EPHB1: variants seen among roughly 807,000 people sequenced by gnomAD.
The protein encoded by EPHB1 is ephrin type-B receptor 1.
A neutral mutation model predicts 94.4 loss-of-function variants in EPHB1; 30 were observed. The ratio of observed to expected loss-of-function variants is 0.32; its 90% CI spans 0.24 to 0.43. The LOEUF is 0.43. EPHB1 is among the 20% of genes least tolerant of loss of function. The pLI, the probability that EPHB1 is intolerant of heterozygous loss-of-function variation, is 1.00. For synonymous variants in EPHB1, 522 were observed against 489.1 expected (o/e 1.07, Z -0.89); for missense variants, 1,055 against 1,308.3 (o/e 0.81, Z 2.99).
At chr3:134,798,187 G>A (rs1269984147) in intron 1 of EPHB1, among the ~76,000 whole-genome samples, 1 of 152,186 alleles carries the variant, frequency 6.6e-6, no homozygotes. Flanking sequence ...TTTCAGTGAG[G>A]CATTGCCATC....
chr3:135,102,728 C>T (rs577317020), intron 3 of EPHB1, among the ~76,000 whole-genome samples: 1 of 152,286 alleles, frequency 6.6e-6, no homozygotes, highest in African/African-American at 2.4e-5. Flanking sequence ...GGAACCAACC[C>T]AAATGCCCAT....
chr3:135,062,868 T>C (rs992750502), intron 3 of EPHB1, among the ~76,000 whole-genome samples: 1 of 152,196 alleles, frequency 6.6e-6, no homozygotes, highest in Non-Finnish European at 1.5e-5. Context: ...TTGTGTAAAG[T>C]GACAGATGAG....
At chr3:135,255,014 G>A (rs532456249) in intron 15 of EPHB1, among the ~76,000 whole-genome samples, 4 of 152,138 alleles carry the variant, frequency 2.6e-5, no homozygotes, top group Admixed American at 6.5e-5. Flanking sequence ...AGAGGTGTTT[G>A]TAGTATTCTC....
intron 3 of EPHB1, among the ~76,000 whole-genome samples, chr3:134,992,048 T>C (rs2107738354): frequency 6.6e-6 from 1 of 152,302 alleles, no homozygotes; most frequent in East Asian, 1.9e-4. Flanking sequence ...CACTTTTTTT[T>C]AGCTGCATTT....
intron 15 of EPHB1, among the ~76,000 whole-genome samples, chr3:135,257,647 T>C (rs527731007): frequency 6.7e-4 from 101 of 151,182 alleles, no homozygotes; most frequent in African/African-American, 2.1e-3. Context: ...CATTTAAGTC[T>C]GCAGAGGTTA....
intron 3 of EPHB1, among the ~76,000 whole-genome samples, chr3:135,005,237 C>A (rs1303643587): frequency 6.6e-6 from 1 of 152,178 alleles, no homozygotes; most frequent in Non-Finnish European, 1.5e-5. Context: ...GTCAGTGTGC[C>A]CCTGCTGGGG....
intron 1 of EPHB1, among the ~76,000 whole-genome samples, chr3:134,801,156 C>A (rs1298818183): frequency 3.9e-5 from 6 of 152,204 alleles, no homozygotes; most frequent in Non-Finnish European, 7.3e-5. Context: ...AATGTTCAGA[C>A]AACCTCAACA....
chr3:134,804,433 A>C (rs1325003293), intron 1 of EPHB1, among the ~76,000 whole-genome samples: 1 of 32,410 alleles, frequency 3.1e-5, no homozygotes, highest in Non-Finnish European at 1.8e-4. Flanking sequence ...GCTACAACTC[A>C]AGTTAAGATT....
At chr3:135,202,249 A>G (rs770404902) in intron 12 of EPHB1, among the ~76,000 whole-genome samples, 3 of 152,110 alleles carry the variant, frequency 2.0e-5, no homozygotes, top group Non-Finnish European at 4.4e-5. Context: ...AGTTCACACA[A>G]TTTCATTTAG....
chr3:135,095,662 C>A (rs572429116), intron 3 of EPHB1, among the ~76,000 whole-genome samples: 1 of 152,284 alleles, frequency 6.6e-6, no homozygotes, highest in East Asian at 1.9e-4. Context: ...TCCTCACTTG[C>A]CTATGGATCC....
chr3:135,120,010 A>T (rs1299288900), intron 4 of EPHB1, among the ~76,000 whole-genome samples: 1 of 152,192 alleles, frequency 6.6e-6, no homozygotes, highest in African/African-American at 2.4e-5. Flanking sequence ...ACTGTTCTAA[A>T]GATGGTAGCT....
chr3:134,940,774 T>C (rs2039099496), intron 2 of EPHB1, among the ~76,000 whole-genome samples: 2 of 152,264 alleles, frequency 1.3e-5, no homozygotes, highest in Admixed American at 6.5e-5. Context: ...ATTTGTTTGT[T>C]TGTTCATGCT....
intron 1 of EPHB1, among the ~76,000 whole-genome samples, chr3:134,813,612 T>C (rs1258509060): frequency 6.6e-6 from 1 of 152,228 alleles, no homozygotes; most frequent in Non-Finnish European, 1.5e-5. Context: ...ATCACCTTTT[T>C]CTCAGCTGCT....
At chr3:135,165,417 C>T (rs1194749149) in intron 7 of EPHB1, among the ~76,000 whole-genome samples, 1 of 152,190 alleles carries the variant, frequency 6.6e-6, no homozygotes, top group East Asian at 1.9e-4. Flanking sequence ...TTGGCAGAAG[C>T]CTTGATCATT....
At chr3:134,906,413 G>T (rs10512935) in intron 1 of EPHB1, among the ~76,000 whole-genome samples, 1 of 152,094 alleles carries the variant, frequency 6.6e-6, no homozygotes, top group African/African-American at 2.4e-5. Flanking sequence ...TTTTGTGGAC[G>T]TTTATAGGTA....
chr3:134,862,187 G>A (rs893703841), intron 1 of EPHB1, among the ~76,000 whole-genome samples: 4 of 152,184 alleles, frequency 2.6e-5, no homozygotes, highest in African/African-American at 7.2e-5. Flanking sequence ...CTAGCGCTGG[G>A]CTCAGGGCTG....
At chr3:135,009,856 A>C (rs1935559365) in intron 3 of EPHB1, among the ~76,000 whole-genome samples, 1 of 152,236 alleles carries the variant, frequency 6.6e-6, no homozygotes, top group Non-Finnish European at 1.5e-5. Context: ...TATGCTTTTA[A>C]AGAACTTTTT....
intron 11 of EPHB1, among the ~76,000 whole-genome samples, chr3:135,197,101 G>C (rs1942640786): frequency 7.3e-6 from 1 of 137,276 alleles, no homozygotes; most frequent in Admixed American, 7.3e-5. Context: ...TCCAGAAAAA[G>C]GAAAAAAAAA....
At chr3:134,838,468 A>T (rs1016358095) in intron 1 of EPHB1, among the ~76,000 whole-genome samples, 3 of 152,084 alleles carry the variant, frequency 2.0e-5, no homozygotes, top group African/African-American at 7.2e-5. Context: ...CATCTCCCAA[A>T]TGTCTTCCCC....
Sources: allele counts gnomAD v4.1 joint callset (sites outside exome capture counted in the v4.1 genomes callset), GRCh38; gene constraint gnomAD v4.1.1; transcripts MANE v1.5; gene names NCBI Gene and HGNC (gene_info 2026-07-23, HGNC 2026-07-21).